The following TOP1MT variants were observed in gnomAD, a reference collection of about 807,000 sequenced individuals.
The protein encoded by TOP1MT is DNA topoisomerase I, mitochondrial.
In TOP1MT, 80 loss-of-function variants were observed where a neutral mutation model predicts 73.9. The observed-to-expected ratio is 1.08, with a 90% confidence interval of 0.90 to 1.30. The LOEUF (loss-of-function observed/expected upper bound fraction) is 1.30. Among genes scored for constraint, TOP1MT ranks in the 50% most tolerant of loss-of-function variants. The pLI, the probability that TOP1MT is intolerant of heterozygous loss-of-function variation, is 0.00. For synonymous variants in TOP1MT, 338 were observed against 326.4 expected (o/e 1.04, Z -0.38); for missense variants, 815 against 808.0 (o/e 1.01, Z -0.10).
Position 143,344,193 on chromosome 8 carries a change from C to T in TOP1MT, c.-39+723G>A, listed in dbSNP as rs1237855158. 6.6e-6 allele frequency: 1 copy of T among 152,168 alleles called. No homozygotes were observed. The highest frequency in any genetic ancestry group is 1.5e-5 in the Non-Finnish European group (1 of 68,064). 9.4% of individuals were successfully genotyped at this position (152,168 alleles called of 1,614,324 possible). The stretch of plus-strand genomic sequence containing the variant: ...ACACCAAGGTCTGTGCTTGAGAAGA[C>T]AGAAGGAGCCGCTTCACCGAAACGA... On this transcript the variant is annotated intron_variant, in intron 1 of 5. Transcript: ENST00000518007. This position sits in a 1 kb window ranked among gnomAD's most constrained non-coding sequence, Gnocchi z 4.6.
intron 8 of TOP1MT, among the ~76,000 whole-genome samples, chr8:143,319,741 A>C (rs1163401593): frequency 6.6e-6 from 1 of 151,488 alleles, no homozygotes; most frequent in East Asian, 1.9e-4. Flanking sequence ...CAGAGGAAAG[A>C]GGGCAGCCCC....
intron 10 of TOP1MT, among the ~76,000 whole-genome samples, chr8:143,316,515 C>T (rs1393415462): frequency 3.6e-5 from 3 of 83,676 alleles, no homozygotes; most frequent in African/African-American, 1.2e-4. Context: ...CTTCCCCTGG[C>T]GAGTCTGTGG....
intron 1 of TOP1MT, among the ~76,000 whole-genome samples, chr8:143,352,928 C>T (rs1156891978): frequency 6.6e-6 from 1 of 152,152 alleles, no homozygotes; most frequent in Non-Finnish European, 1.5e-5. Context: ...TAAAAACACA[C>T]ACAGGCAAAG....
At chr8:143,313,760 CAGG>C (rs1282954638) in intron 12 of TOP1MT, among the ~76,000 whole-genome samples, 5 of 150,826 alleles carry the variant, frequency 3.3e-5, no homozygotes, top group Non-Finnish European at 5.9e-5. Context: ...GAGGCTGAGG[CAGG>C]AGAATTGCTT....
intron 2 of TOP1MT, 140 bp downstream of exon 2, chr8:143,331,084 T>C: frequency 1.6e-6 from 1 of 608,796 alleles, no homozygotes; most frequent in African/African-American, 1.8e-5. Flanking sequence ...CCCCCACGCA[T>C]CACCTGCAAG....
intron 4 of TOP1MT, 150 bp downstream of exon 4, chr8:143,326,072 A>G: frequency 1.2e-6 from 1 of 829,762 alleles, no homozygotes; most frequent in Admixed American, 2.9e-5. Flanking sequence ...ACACTTAAGC[A>G]CATGCAGGGG....
intron 12 of TOP1MT, among the ~76,000 whole-genome samples, 160 bp downstream of exon 12, chr8:143,315,567 G>C (rs957076609): frequency 2.6e-5 from 4 of 152,140 alleles, no homozygotes; most frequent in Non-Finnish European, 4.4e-5. Flanking sequence ...GGGCCCAGCT[G>C]TCCTTTCTTT....
intron 7 of TOP1MT, among the ~76,000 whole-genome samples, chr8:143,322,390 CCA>C (rs146289737): frequency 0.27 from 24,426 of 89,152 alleles, 5,573 homozygotes; most frequent in East Asian, 0.62. Flanking sequence ...CACACGCACG[CCA>C]CACACATGCT....
At chr8:143,357,967 G>A (rs1044746605), upstream of TOP1MT, among the ~76,000 whole-genome samples, 1 of 151,376 alleles carries the variant, frequency 6.6e-6, no homozygotes, top group Non-Finnish European at 1.5e-5. Context: ...ACACGCCTGT[G>A]GTCCCAGCTA....
At chr8:143,316,277 G>A in intron 10 of TOP1MT, 151 bp from the exon 11 acceptor site, 2 of 1,277,108 alleles carry the variant, frequency 1.6e-6, no homozygotes, top group Non-Finnish European at 2.2e-6. Flanking sequence ...AAGGGTCAGT[G>A]ACCCTCCAAG....
At chr8:143,343,606 C>A in intron 1 of TOP1MT, 1 of 213,872 alleles carries the variant, frequency 4.7e-6, no homozygotes, top group Admixed American at 5.2e-5. Flanking sequence ...CCCTCTGGGA[C>A]CATCTCTGTC....
upstream of TOP1MT, among the ~76,000 whole-genome samples, chr8:143,335,465 C>G (rs1237950969): frequency 6.6e-6 from 1 of 152,224 alleles, no homozygotes; most frequent in African/African-American, 2.4e-5. Context: ...GCCTCTCACT[C>G]CCAAGGAGAC....
intron 8 of TOP1MT, 72 bp downstream of exon 8, chr8:143,321,129 T>C: frequency 6.8e-7 from 1 of 1,462,360 alleles, no homozygotes; most frequent in East Asian, 2.5e-5. Flanking sequence ...CCACGGCAGC[T>C]CCGGCACGCC....
At chr8:143,343,347 A>G (rs1163686046) in intron 1 of TOP1MT, 5 of 448,066 alleles carry the variant, frequency 1.1e-5, no homozygotes, top group Non-Finnish European at 1.8e-5. Context: ...TTGCCATTCT[A>G]ACAACAGAGA....
At chr8:143,358,905 A>G (rs1027129093), upstream of TOP1MT, among the ~76,000 whole-genome samples, 4 of 152,236 alleles carry the variant, frequency 2.6e-5, no homozygotes, top group African/African-American at 7.2e-5. Context: ...GGCTCACTAG[A>G]AAGTTTCCAT....
At chr8:143,353,362 G>A (rs1194326745) in intron 1 of TOP1MT, among the ~76,000 whole-genome samples, 1 of 151,640 alleles carries the variant, frequency 6.6e-6, no homozygotes, top group Non-Finnish European at 1.5e-5. Flanking sequence ...GCTGCAGTGA[G>A]CTATGACGGT....
intron 4 of TOP1MT, among the ~76,000 whole-genome samples, chr8:143,325,774 C>T (rs1393554888): frequency 6.6e-5 from 10 of 152,140 alleles, no homozygotes; most frequent in African/African-American, 7.2e-5. Context: ...GCACAGACTT[C>T]GGCTGTTTTA....
intron 1 of TOP1MT, among the ~76,000 whole-genome samples, chr8:143,351,389 A>G (rs1242846425): frequency 6.6e-6 from 1 of 152,084 alleles, no homozygotes; most frequent in East Asian, 1.9e-4. Context: ...CCCAGCCAAC[A>G]TGGCGAAACC....
upstream of TOP1MT, among the ~76,000 whole-genome samples, chr8:143,338,651 A>C (rs1817023453): frequency 1.3e-5 from 2 of 152,242 alleles, no homozygotes; most frequent in African/African-American, 4.8e-5. Flanking sequence ...AAAGGCCAAC[A>C]ATCCTGTAAA....
Sources: gnomAD v4.1 joint callset for allele counts (sites outside exome capture counted in the v4.1 genomes callset) on GRCh38, gnomAD v4.1.1 for gene constraint, Gnocchi (gnomAD v3.1) non-coding constraint, MANE v1.5 for transcripts, NCBI Gene and HGNC (gene_info 2026-07-23, HGNC 2026-07-21) for gene names.